PTPRR: variants seen among roughly 807,000 people sequenced by gnomAD.
PTPRR encodes receptor-type tyrosine-protein phosphatase R.
A neutral mutation model predicts 77.2 loss-of-function variants in PTPRR; 38 were observed. That is an observed-to-expected ratio of 0.49 (90% CI 0.38 to 0.65). PTPRR has a LOEUF of 0.65. Among genes scored for constraint, PTPRR ranks in the 30% least tolerant of loss-of-function variants. The probability of loss-of-function intolerance (pLI) is 0.00; values close to 1 mark genes in which losing one functional copy is unlikely to be tolerated. For missense variants in PTPRR, 744 were observed against 799.2 expected, an observed-to-expected ratio of 0.93 and a Z score of 0.83; for synonymous variants, 299 against 283.1, an observed-to-expected ratio of 1.06 and a Z score of -0.57.
intron 13 of PTPRR, among the ~76,000 whole-genome samples, chr12:70,656,282 C>T (rs981350638): frequency 8.5e-5 from 13 of 152,084 alleles, no homozygotes; most frequent in African/African-American, 1.4e-4. Context: ...GTAATCTCAG[C>T]GCTTTGGGAA....
rs768387199 is a variant in PTPRR, at chr12:70,746,007, G to A, written c.818C>T (p.Pro273Leu). 16 of 1,613,764 alleles carry A rather than the reference G, an allele frequency of 9.9e-6. No homozygotes were observed. The highest frequency in any genetic ancestry group is 1.7e-5 in the Admixed American group (1 of 59,978). ...KEKNQEIHLS[P>L]ITLQPALSEA... ...GGACAGTGCTGGCTGTAATGTGATG[G>A]GCGATAGGTGGATCTCCTGGTTTTT... Residue 273 changes from proline to leucine, a missense_variant, in exon 6 of 14, where the codon CCC (proline) becomes CTC (leucine). Pro to Leu is a moderately conservative substitution (Grantham distance 98, BLOSUM62 -3). Coordinates refer to ENST00000283228, the MANE Select transcript of PTPRR (RefSeq NM_002849.4).
At chr12:70,659,504 T>C (rs938122288) in intron 12 of PTPRR, among the ~76,000 whole-genome samples, 1 of 152,144 alleles carries the variant, frequency 6.6e-6, no homozygotes, top group Admixed American at 6.5e-5. Context: ...GGAAAAAAGA[T>C]AGTCTCATTC....
Position 70,658,864 on chromosome 12 carries a change from G to A in PTPRR, c.1767-2047C>T, listed in dbSNP as rs1024318375. ...TCTGCGGTTTATGGATAGGTTCAACGTTAGGGACTTTTGCTCTAGTTTTTT... is the reference window on the plus strand; with the variant it reads ...TCTGCGGTTTATGGATAGGTTCAACATTAGGGACTTTTGCTCTAGTTTTTT... On this transcript the variant is annotated intron_variant, in intron 12 of 13. Coordinates refer to ENST00000283228, the MANE Select transcript of PTPRR (RefSeq NM_002849.4). Among the ~76,000 whole-genome samples the A allele has an allele frequency of 8.9e-5, 10 of 112,478 alleles. No homozygotes were observed. In the South Asian group the frequency reaches 1.2e-3, roughly 14 times the overall value. 73.8% of individuals were successfully genotyped at this position (112,478 alleles called of 152,430 possible).
chr12:70,678,446 T>C (rs1887531210), intron 10 of PTPRR, among the ~76,000 whole-genome samples: 1 of 151,496 alleles, frequency 6.6e-6, no homozygotes, highest in Non-Finnish European at 1.5e-5. Flanking sequence ...CAGGAATTTA[T>C]TCATTTTTTT....
chr12:70,669,434 TTA>T (rs1887128530), intron 10 of PTPRR, among the ~76,000 whole-genome samples: 1 of 149,604 alleles, frequency 6.7e-6, no homozygotes, highest in Non-Finnish European at 1.5e-5. Context: ...CAAAGCTATT[TTA>T]TATATATATG....
At chr12:70,791,093 C>T (rs1224225088) in intron 2 of PTPRR, among the ~76,000 whole-genome samples, 1 of 152,158 alleles carries the variant, frequency 6.6e-6, no homozygotes, top group African/African-American at 2.4e-5. Context: ...CTGCAAAAAC[C>T]TGGAGTAATT....
At position 70,695,695 on chromosome 12, in the gene PTPRR, T is replaced by C. The variant is rs535140596; in HGVS notation, c.1279+2570A>G. On this transcript the variant is annotated intron_variant, in intron 8 of 13. Coordinates refer to ENST00000283228, the MANE Select transcript of PTPRR (RefSeq NM_002849.4). ...TATATATAATTGTGATGGAGGTATA[T>C]TCCCTTATTACTTATGTTTGGTATA... 5.3e-5 allele frequency among the ~76,000 whole-genome samples: 8 copies of C among 152,322 alleles called. No homozygotes were observed. The South Asian group carries it at 1.4e-3, about 28-fold the overall frequency.
At chr12:70,754,721 A>G (rs1890517048) in intron 4 of PTPRR, 1 of 1,585,228 alleles carries the variant, frequency 6.3e-7, no homozygotes, top group Non-Finnish European at 8.5e-7. Flanking sequence ...ACTTTTAAAC[A>G]AAAGTGAAAC....
At chr12:70,708,242 AC>A (rs2136804868) in intron 6 of PTPRR, among the ~76,000 whole-genome samples, 1 of 152,266 alleles carries the variant, frequency 6.6e-6, no homozygotes, top group Non-Finnish European at 1.5e-5. Flanking sequence ...GGAGAGCAAC[AC>A]TTTTGGCATC....
chr12:70,675,382 G>T (rs1887406859), intron 10 of PTPRR, among the ~76,000 whole-genome samples: 1 of 151,350 alleles, frequency 6.6e-6, no homozygotes, highest in African/African-American at 2.4e-5. Flanking sequence ...TTTTATTTTG[G>T]TTTATTTTCG....
chr12:70,896,998 T>A, intron 1 of PTPRR, among the ~76,000 whole-genome samples: 1 of 151,950 alleles, frequency 6.6e-6, no homozygotes, highest in Non-Finnish European at 1.5e-5. Flanking sequence ...AGTACCATGC[T>A]GTTTTGGTTA....
chr12:70,686,857 C>T (rs761776639), intron 8 of PTPRR, among the ~76,000 whole-genome samples: 11 of 152,108 alleles, frequency 7.2e-5, no homozygotes, highest in Non-Finnish European at 1.2e-4. Flanking sequence ...TCCCCAATTC[C>T]CGGCACACAG....
intron 2 of PTPRR, among the ~76,000 whole-genome samples, chr12:70,812,717 A>G (rs1218110081): frequency 6.6e-6 from 1 of 152,224 alleles, no homozygotes; most frequent in Non-Finnish European, 1.5e-5. Flanking sequence ...TCAAAAGGAT[A>G]TCATCTTAGA....
intron 10 of PTPRR, among the ~76,000 whole-genome samples, chr12:70,666,984 C>G: frequency 1.1e-5 from 1 of 91,742 alleles, no homozygotes; most frequent in South Asian, 3.7e-4. Flanking sequence ...GAGACGGAGT[C>G]TCGCTCTGTC....
chr12:70,769,531 A>G (rs1417699420), intron 2 of PTPRR, among the ~76,000 whole-genome samples: 2 of 152,218 alleles, frequency 1.3e-5, no homozygotes, highest in African/African-American at 4.8e-5. Context: ...AAATGGAAGA[A>G]CATTCCATGC....
At chr12:70,728,527 G>GC (rs1889536244) in intron 6 of PTPRR, among the ~76,000 whole-genome samples, 1 of 48,168 alleles carries the variant, frequency 2.1e-5, no homozygotes, top group Non-Finnish European at 3.6e-5. Flanking sequence ...TCCAAAATCT[G>GC]AATATATATA....
chr12:70,722,264 G>T (rs1246655533), intron 6 of PTPRR, among the ~76,000 whole-genome samples: 1 of 152,056 alleles, frequency 6.6e-6, no homozygotes, highest in Non-Finnish European at 1.5e-5. Flanking sequence ...AGCCTATCCG[G>T]TCCAACATAC....
intron 5 of PTPRR, among the ~76,000 whole-genome samples, chr12:70,750,122 T>A (rs1441375891): frequency 6.6e-6 from 1 of 152,206 alleles, no homozygotes; most frequent in Non-Finnish European, 1.5e-5. Context: ...TTTGAAAATG[T>A]CATGCCTGTC....
Position 70,920,407 on chromosome 12 carries a change from G to A in PTPRR, c.-17C>T. 6.2e-7 allele frequency: 1 copy of A among 1,611,362 alleles called. No homozygotes were observed. The highest frequency in any genetic ancestry group is 8.5e-7 in the Non-Finnish European group (1 of 1,178,670). ...TCTCCGCATAGTGTTTGCATTGAGA[G>A]GTGGAGGAGAAACTCCACCACGACC... On this transcript the variant is annotated 5_prime_UTR_variant, in exon 1 of 14. Transcript: ENST00000283228.
Sources: allele counts gnomAD v4.1 joint callset (sites outside exome capture counted in the v4.1 genomes callset), GRCh38; gene constraint gnomAD v4.1.1; transcripts MANE v1.5; gene names NCBI Gene and HGNC (gene_info 2026-07-23, HGNC 2026-07-21).